SPTB: variants seen among roughly 807,000 people sequenced by gnomAD.
SPTB encodes the protein spectrin beta, erythrocytic.
In SPTB, 45 loss-of-function variants were observed where a neutral mutation model predicts 256.2. The observed-to-expected ratio is 0.18, with a 90% CI of 0.14 to 0.23. The LOEUF is 0.23. SPTB is among the 10% of genes least tolerant of loss of function. The probability of loss-of-function intolerance (pLI) is 1.00; values close to 1 mark genes in which losing one functional copy is unlikely to be tolerated. For synonymous variants in SPTB, 1,231 were observed against 1,243.1 expected (o/e 0.99, Z 0.21); for missense variants, 2,715 against 3,040.4 (o/e 0.89, Z 2.52).
At chr14:64,822,824 C>A in intron 2 of SPTB, 123 bp downstream of exon 2, 1 of 1,451,954 alleles carries the variant, frequency 6.9e-7, no homozygotes, top group Non-Finnish European at 9.6e-7. Flanking sequence ...CCGACAAACA[C>A]GTCTCCATCA....
chr14:64,809,885 C>T (rs1372953312), intron 2 of SPTB, among the ~76,000 whole-genome samples: 1 of 152,080 alleles, frequency 6.6e-6, no homozygotes, highest in African/African-American at 2.4e-5. Context: ...GAAAGGCATG[C>T]TGAGGTCTTG....
intron 15 of SPTB, 109 bp from the exon 16 acceptor site, chr14:64,787,269 A>G: frequency 7.0e-7 from 1 of 1,422,478 alleles, no homozygotes; most frequent in East Asian, 2.4e-5. Context: ...CTCCCCCCAC[A>G]GACTTTGTAT....
At chr14:64,800,986 C>T (rs2139626728) in intron 7 of SPTB, 118 bp from the exon 8 acceptor site, 1 of 791,402 alleles carries the variant, frequency 1.3e-6, no homozygotes, top group Non-Finnish European at 2.2e-6. Flanking sequence ...AAGTGACAAC[C>T]AACAGAGCAA....
intron 31 of SPTB, among the ~76,000 whole-genome samples, 169 bp downstream of exon 31, chr14:64,767,134 G>A (rs748068741): frequency 3.3e-5 from 5 of 152,202 alleles, no homozygotes; most frequent in Non-Finnish European, 5.9e-5. Flanking sequence ...GACTGGGGAA[G>A]CAAAAGGTCC....
In SPTB at chr14:64,847,427, G is replaced by T. The variant is rs972083183; in HGVS notation, c.-51-24282C>A. 2.6e-5 allele frequency among the ~76,000 whole-genome samples: 4 copies of T among 152,192 alleles called. No individual in the cohort carries two copies. Among genetic ancestry groups the T allele is most frequent in the African/African-American group, 9.7e-5 (4 of 41,444 alleles). ...TCTAGGGGAGAATTTTCCAACCTGT[G>T]TCCAGTGGGAATTGGAGGAGGGGGT... On this transcript the variant is annotated intron_variant, in intron 1 of 35. Coordinates refer to ENST00000644917, the MANE Select transcript of SPTB (RefSeq NM_001355436.2). The surrounding 1 kb of genome is among the most constrained non-coding windows in gnomAD (Gnocchi z 5.9).
chr14:64,753,465 A>G, intron 33 of SPTB, 72 bp downstream of exon 33: 1 of 1,605,168 alleles, frequency 6.2e-7, no homozygotes, highest in Non-Finnish European at 8.5e-7. Context: ...CATGTCACCA[A>G]GGCTCTGCTA....
Position 64,786,412 on chromosome 14 carries a change from T to C in SPTB, c.3553A>G (p.Ser1185Gly). ...KDAKQAEAIL[S>G]NQEYTLAHLE... is the part of the protein sequence containing the mutation. ...CCTGAATGCCTCTCTACCTGGTTGC[T>C]GAGGATGGCTTCAGCCTGCTTGGCA... is the stretch of plus-strand genomic sequence containing the variant. The change falls in exon 16 of 36, where the codon AGC (serine) becomes GGC (glycine). Residue 1185 changes from serine (S) to glycine (G), a missense_variant. Ser to Gly is a moderately conservative substitution (Grantham distance 56, BLOSUM62 0). This residue lies in a region of SPTB where 2,239 missense variants were observed against 2,384.4 expected (regional missense o/e 0.94). Coordinates refer to ENST00000644917, the MANE Select transcript of SPTB (RefSeq NM_001355436.2). The surrounding 1 kb of genome is among the most constrained non-coding windows in gnomAD (Gnocchi z 5.6). 1 of 1,614,108 alleles carries C rather than the reference T, an allele frequency of 6.2e-7. No individual in the cohort carries two copies. Among genetic ancestry groups the C allele is most frequent in the Non-Finnish European group, 8.5e-7 (1 of 1,180,026 alleles).
At chr14:64,771,937 C>A (rs2082284293) in intron 26 of SPTB, among the ~76,000 whole-genome samples, 1 of 152,194 alleles carries the variant, frequency 6.6e-6, no homozygotes, top group South Asian at 2.1e-4. Context: ...CCCTCAGCAA[C>A]AGGGGCCCCC....
intron 29 of SPTB, among the ~76,000 whole-genome samples, chr14:64,768,488 C>T (rs1333223076): frequency 0.033 from 4 of 120 alleles, no homozygotes; most frequent in African/African-American, 0.15. Context: ...GGATGAGTGG[C>T]CAGGGGCACC....
rs116624445 is a variant in SPTB at position 64,844,572 on chromosome 14, C to T, written c.-51-21427G>A. On this transcript the variant is annotated intron_variant, in intron 1 of 35. Transcript: ENST00000644917. The surrounding 1 kb of genome is among the most constrained non-coding windows in gnomAD (Gnocchi z 4.1). ...CACACAACTGTGAGAAGCCTGATGC[C>T]GGTCTGACAGCAGAACTTTAGGATG... 5.9e-5 allele frequency among the ~76,000 whole-genome samples: 9 copies of T among 152,280 alleles called. No homozygotes were observed. The highest frequency in any genetic ancestry group is 1.4e-4 in the African/African-American group (6 of 41,566).
rs550309355 is a variant in SPTB, at chr14:64,749,921, C to T, written c.6776+60G>A. On this transcript the variant is annotated intron_variant, in intron 34 of 35. Coordinates refer to ENST00000644917, the MANE Select transcript of SPTB (RefSeq NM_001355436.2). The surrounding 1 kb of genome is among the most constrained non-coding windows in gnomAD (Gnocchi z 4.7). ...TGGTCCCCTACAGAGGGCCTCTGCC[C>T]TGCCACTAATGCCAAATCAAGCCAT... The T allele has an allele frequency of 1.4e-5, 23 of 1,609,770 alleles. No individual in the cohort carries two copies. Among genetic ancestry groups the T allele is most frequent in the Non-Finnish European group, 1.8e-5 (21 of 1,176,292 alleles).
chr14:64,797,467 C>CAAAAAAAA (rs57385615), intron 10 of SPTB, among the ~76,000 whole-genome samples: 9 of 31,010 alleles, frequency 2.9e-4, no homozygotes, highest in Admixed American at 1.3e-3. Context: ...ACCCTGTCTC[C>CAAAAAAAA]AAAAAAAAAA....
At chr14:64,836,516 G>T (rs2083525169) in intron 1 of SPTB, among the ~76,000 whole-genome samples, 1 of 151,894 alleles carries the variant, frequency 6.6e-6, no homozygotes, top group Admixed American at 6.6e-5. Context: ...ACAAAAAAAA[G>T]GGTACGGTCG....
chr14:64,768,673 C>T (rs530945794), intron 29 of SPTB, among the ~76,000 whole-genome samples: 94 of 152,040 alleles, frequency 6.2e-4, no homozygotes, highest in Middle Eastern at 6.8e-3. Context: ...AACTCCTCCC[C>T]CGGACCCTCA....
chr14:64,788,003 G>A (rs2082603849), intron 15 of SPTB, among the ~76,000 whole-genome samples: 1 of 152,230 alleles, frequency 6.6e-6, no homozygotes, highest in Non-Finnish European at 1.5e-5. Flanking sequence ...CATTTTATTG[G>A]CCTTTGGGAG....
intron 15 of SPTB, 56 bp from the exon 16 acceptor site, chr14:64,787,216 T>C (rs2082588331): frequency 8.1e-6 from 13 of 1,595,192 alleles, no homozygotes; most frequent in Non-Finnish European, 1.1e-5. Context: ...TTAGCTCTTC[T>C]TCCCATAGGA....
In SPTB at chr14:64,786,982, T is replaced by C; in HGVS notation, c.2983A>G (p.Arg995Gly). Reference sequence around the variant, plus strand: ...TCACGCTCCAGCCCTGACAACTTCCTCTGGATGGCGATGATACCTGCCAGG... The same window carrying C: ...TCACGCTCCAGCCCTGACAACTTCCCCTGGATGGCGATGATACCTGCCAGG... ...RDLAGIIAIQ[R>G]KLSGLERDVA... is the part of the protein sequence containing the mutation. Residue 995 changes from arginine to glycine, a missense_variant, in exon 16 of 36, where the codon AGG becomes GGG. Transcript: ENST00000644917. This position sits in a 1 kb window ranked among gnomAD's most constrained non-coding sequence, Gnocchi z 5.6. The C allele has an allele frequency of 1.9e-6, 3 of 1,614,128 alleles. No homozygotes were observed. The highest frequency in any genetic ancestry group is 2.5e-6 in the Non-Finnish European group (3 of 1,180,034).
At chr14:64,765,203 C>T (rs773770417) in intron 32 of SPTB, among the ~76,000 whole-genome samples, 27 of 152,120 alleles carry the variant, frequency 1.8e-4, no homozygotes, top group Non-Finnish European at 3.8e-4. Context: ...TCTTCCTAAC[C>T]TCACCCCCAG....
Position 64,749,844 on chromosome 14 carries a change from C to T in SPTB, c.6776+137G>A. On this transcript the variant is annotated intron_variant, in intron 34 of 35. Coordinates refer to ENST00000644917, the MANE Select transcript of SPTB (RefSeq NM_001355436.2). This position sits in a 1 kb window ranked among gnomAD's most constrained non-coding sequence, Gnocchi z 4.7. ...CTTTCTGAGAGGTCAAAGTCTGGACCATCAGCCTCTTTGATTTGAAAAACC... is the reference window on the plus strand; with the variant it reads ...CTTTCTGAGAGGTCAAAGTCTGGACTATCAGCCTCTTTGATTTGAAAAACC... 1 of 1,483,898 alleles carries T rather than the reference C, an allele frequency of 6.7e-7. No homozygotes were observed. Among genetic ancestry groups the T allele is most frequent in the Non-Finnish European group, 9.3e-7 (1 of 1,072,398 alleles). The allele number at this position is 1,483,898 out of a possible 1,614,324, so 91.9% of individuals were successfully genotyped here.
Sources: gnomAD v4.1 joint callset for allele counts (sites outside exome capture counted in the v4.1 genomes callset) on GRCh38, gnomAD v4.1.1 for gene constraint, gnomAD v4.1.1 regional missense constraint, Gnocchi (gnomAD v3.1) non-coding constraint, MANE v1.5 for transcripts, NCBI Gene and HGNC (gene_info 2026-07-23, HGNC 2026-07-21) for gene names.